GRAP2: variants seen among roughly 807,000 people sequenced by gnomAD.
GRAP2 encodes GRB2-related adapter protein 2.
In GRAP2, 31 loss-of-function variants were observed where a neutral mutation model predicts 43.5. The ratio of observed to expected loss-of-function variants is 0.71; its 90% CI spans 0.54 to 0.96. The LOEUF (loss-of-function observed/expected upper bound fraction) is 0.96, where lower values mean the gene tolerates loss of function less well. Ranked by LOEUF, GRAP2 falls within the 40% of genes least tolerant of loss-of-function variation. The probability of loss-of-function intolerance (pLI) is 0.00; values close to 1 mark genes in which losing one functional copy is unlikely to be tolerated. For synonymous variants in GRAP2, 156 were observed against 164.8 expected (o/e 0.95, Z 0.41); for missense variants, 371 against 424.4 (o/e 0.87, Z 1.11).
rs554348016 is a variant in GRAP2 at position 39,911,439 on chromosome 22, A to G, written c.-15+10109A>G. Among the ~76,000 whole-genome samples, 7 of 151,744 alleles carry G rather than the reference A, an allele frequency of 4.6e-5. No individual in the cohort carries two copies. In the South Asian group the frequency reaches 1.5e-3, roughly 32 times the overall value. On this transcript the variant is annotated intron_variant, in intron 1 of 7. Coordinates refer to ENST00000344138, the MANE Select transcript of GRAP2 (RefSeq NM_004810.4). Reference sequence around the variant, plus strand: ...TCTTCTGTTTGTAATACGGGACTACAAAGATCTTATAGTTTAGGTTTCCGT... The same window carrying G: ...TCTTCTGTTTGTAATACGGGACTACGAAGATCTTATAGTTTAGGTTTCCGT...
rs183982279 is a variant in GRAP2, at chr22:39,970,801, A to G, written c.814-104A>G. ...CTGCAGAGGGGTCAGCCTTCAGGGAATGTTGCTCTCAAAGACTTGGATGTG... is the reference window on the plus strand; with the variant it reads ...CTGCAGAGGGGTCAGCCTTCAGGGAGTGTTGCTCTCAAAGACTTGGATGTG... On this transcript the variant is annotated intron_variant, in intron 7 of 7. Coordinates refer to ENST00000344138, the MANE Select transcript of GRAP2 (RefSeq NM_004810.4). 89 of 1,042,964 alleles carry G rather than the reference A, an allele frequency of 8.5e-5. 1 individual carries two copies. In the East Asian group the frequency reaches 2.2e-3, roughly 26 times the overall value. The allele number at this position is 1,042,964 out of a possible 1,614,324, so 64.6% of individuals were successfully genotyped here.
intron 1 of GRAP2, among the ~76,000 whole-genome samples, chr22:39,906,855 T>A (rs1182663123): frequency 6.6e-6 from 1 of 152,182 alleles, no homozygotes; most frequent in Non-Finnish European, 1.5e-5. Context: ...AGTTCTCTTG[T>A]TAAATATGAT....
chr22:39,918,463 C>T (rs1382421970), intron 1 of GRAP2, among the ~76,000 whole-genome samples: 3 of 152,126 alleles, frequency 2.0e-5, no homozygotes, highest in South Asian at 2.1e-4. Flanking sequence ...AAGTCTCTGC[C>T]GTGTTTCGAC....
intron 7 of GRAP2, among the ~76,000 whole-genome samples, 165 bp from the exon 8 acceptor site, chr22:39,970,740 G>A (rs1165358011): frequency 2.6e-5 from 4 of 152,092 alleles, no homozygotes; most frequent in African/African-American, 9.7e-5. Flanking sequence ...GAGCAACATA[G>A]CAAGACCCCA....
chr22:39,944,010 G>C (rs1010944108), intron 1 of GRAP2, among the ~76,000 whole-genome samples: 3 of 152,082 alleles, frequency 2.0e-5, no homozygotes, highest in Admixed American at 6.5e-5. Flanking sequence ...TGGCCGAGGG[G>C]TCTCTCTTTT....
intron 1 of GRAP2, among the ~76,000 whole-genome samples, chr22:39,916,090 C>A (rs2066600396): frequency 6.6e-6 from 1 of 152,242 alleles, no homozygotes; most frequent in South Asian, 2.1e-4. Context: ...CCCTCCCTTC[C>A]CAGCTCTGCC....
chr22:39,908,235 G>A (rs1468558368), intron 1 of GRAP2, among the ~76,000 whole-genome samples: 2 of 152,204 alleles, frequency 1.3e-5, no homozygotes, highest in East Asian at 3.8e-4. Context: ...TCCCTGTAGG[G>A]CATAAGAGCT....
At chr22:39,898,581 G>A (rs1339992466), upstream of GRAP2, among the ~76,000 whole-genome samples, 1 of 152,192 alleles carries the variant, frequency 6.6e-6, no homozygotes, top group Non-Finnish European at 1.5e-5. Flanking sequence ...GGGGGGCCAA[G>A]GTGGGCAGAT....
rs533914509 is a variant in GRAP2, at chr22:39,918,320, TC to T, written c.-15+16991del. 5.2e-3 allele frequency among the ~76,000 whole-genome samples: 795 copies of T among 152,214 alleles called. 5 individuals carry two copies. Among genetic ancestry groups the T allele is most frequent in the African/African-American group, 0.018 (755 of 41,502 alleles). Reference sequence around the variant, plus strand: ...AATCGCAGACGAATAATAACGAAGTTCTTCATTGCTGGGATCCCAAAAGGTT... The same window carrying T: ...AATCGCAGACGAATAATAACGAAGTTTTCATTGCTGGGATCCCAAAAGGTT... On this transcript the variant is annotated intron_variant, in intron 1 of 7. Transcript: ENST00000344138.
intron 3 of GRAP2, among the ~76,000 whole-genome samples, chr22:39,959,682 T>C (rs2067095545): frequency 6.6e-6 from 1 of 152,128 alleles, no homozygotes. Context: ...CCCTCCCCAG[T>C]GCATCCTCTG....
At chr22:39,964,703 A>G (rs556108271) in intron 4 of GRAP2, 2 of 449,122 alleles carry the variant, frequency 4.5e-6, no homozygotes, top group South Asian at 5.2e-5. Flanking sequence ...TACATTTAAG[A>G]ATAAACTTTT....
chr22:39,914,742 A>G (rs2066590929), intron 1 of GRAP2, among the ~76,000 whole-genome samples: 1 of 152,166 alleles, frequency 6.6e-6, no homozygotes, highest in African/African-American at 2.4e-5. Flanking sequence ...AAAGTGCACC[A>G]CTTTCGTACT....
At chr22:39,903,287 A>G (rs774661696) in intron 1 of GRAP2, among the ~76,000 whole-genome samples, 2 of 152,170 alleles carry the variant, frequency 1.3e-5, no homozygotes, top group African/African-American at 4.8e-5. Flanking sequence ...GAATCAAACA[A>G]TAGGGTCGCT....
upstream of GRAP2, among the ~76,000 whole-genome samples, chr22:39,898,574 G>T (rs542741278): frequency 6.6e-6 from 1 of 152,180 alleles, no homozygotes; most frequent in East Asian, 1.9e-4. Context: ...GCACTTTGGG[G>T]GGCCAAGGTG....
At chr22:39,936,206 C>A (rs1465984990) in intron 1 of GRAP2, among the ~76,000 whole-genome samples, 1 of 152,188 alleles carries the variant, frequency 6.6e-6, no homozygotes, top group Non-Finnish European at 1.5e-5. Context: ...CACCCCCACC[C>A]CGCCCTCCAC....
Position 39,968,255 on chromosome 22 carries a change from C to G in GRAP2, c.673C>G (p.His225Asp). ...QQPPQQRYLQ[H>D]HHFHQERRGG... is the part of the protein sequence containing the mutation. ...GCCCCCACAGCAGCGATATCTGCAG[C>G]ACCACCATTTCCACCAGGTATCTGG... Residue 225 changes from histidine to aspartate, a missense_variant, in exon 6 of 8, where the codon CAC becomes GAC. By Grantham distance (81) the His-to-Asp change is moderately conservative (BLOSUM62 -1). Coordinates refer to ENST00000344138, the MANE Select transcript of GRAP2 (RefSeq NM_004810.4). 1.2e-6 allele frequency: 2 copies of G among 1,612,696 alleles called. No individual in the cohort carries two copies. The highest frequency in any genetic ancestry group is 1.7e-6 in the Non-Finnish European group (2 of 1,178,750).
At chr22:39,965,547 A>G (rs1569216536) in intron 4 of GRAP2, among the ~76,000 whole-genome samples, 1 of 152,240 alleles carries the variant, frequency 6.6e-6, no homozygotes, top group Non-Finnish European at 1.5e-5. Flanking sequence ...GTAGCTTCTT[A>G]CCTGCCAGTG....
At chr22:39,934,869 T>TA (rs202047333) in intron 1 of GRAP2, among the ~76,000 whole-genome samples, 1,499 of 149,872 alleles carry the variant, frequency 0.01, 9 homozygotes, top group Non-Finnish European at 0.015. Flanking sequence ...AGACCCTATC[T>TA]AAAAAAAAAC....
In GRAP2 at chr22:39,901,205, A is replaced by G. The variant is rs917307839; in HGVS notation, c.-140A>G. 1.4e-5 allele frequency: 12 copies of G among 872,532 alleles called. No individual in the cohort carries two copies. In the Admixed American group the frequency reaches 2.3e-4, roughly 17 times the overall value. The allele number at this position is 872,532 out of a possible 1,614,324, so 54.0% of individuals were successfully genotyped here. ...AGAGTGGTACATGGAAGACAGCACA[A>G]AGTGGATCCATACTCTGAAATGCAG... On this transcript the variant is annotated 5_prime_UTR_variant, in exon 1 of 8. Transcript: ENST00000344138.
Sources: allele counts gnomAD v4.1 joint callset (sites outside exome capture counted in the v4.1 genomes callset), GRCh38; gene constraint gnomAD v4.1.1; transcripts MANE v1.5; gene names NCBI Gene and HGNC (gene_info 2026-07-23, HGNC 2026-07-21).